STXBP4: variants seen among roughly 807,000 people sequenced by gnomAD.
STXBP4 encodes syntaxin-binding protein 4.
In STXBP4, 55 loss-of-function variants were observed where a neutral mutation model predicts 76.1. The observed-to-expected ratio is 0.72, with a 90% CI of 0.58 to 0.91. STXBP4 has a LOEUF of 0.91. STXBP4 is among the 40% of genes least tolerant of loss of function. The pLI, the probability that STXBP4 is intolerant of heterozygous loss-of-function variation, is 0.00. For synonymous variants in STXBP4, 201 were observed against 220.2 expected, an observed-to-expected ratio of 0.91 and a Z score of 0.77; for missense variants, 618 against 636.9, an observed-to-expected ratio of 0.97 and a Z score of 0.32.
At chr17:55,048,810 G>A (rs1329204824) in intron 12 of STXBP4, among the ~76,000 whole-genome samples, 1 of 151,712 alleles carries the variant, frequency 6.6e-6, no homozygotes, top group African/African-American at 2.4e-5. Flanking sequence ...AAGTAAAAGA[G>A]TTTCTTAAAG....
At chr17:55,044,302 A>G (rs1462140597) in intron 11 of STXBP4, 1 of 151,954 alleles carries the variant, frequency 6.6e-6, no homozygotes, top group African/African-American at 2.4e-5. Context: ...TCATAGGCAC[A>G]TATTTTTAAA....
intron 10 of STXBP4, among the ~76,000 whole-genome samples, chr17:55,042,351 C>G (rs1482324114): frequency 6.6e-6 from 1 of 152,040 alleles, no homozygotes; most frequent in Non-Finnish European, 1.5e-5. Context: ...TGAATATATA[C>G]AGTCTTTAGC....
chr17:54,996,001 A>G (rs1209460150), intron 4 of STXBP4, among the ~76,000 whole-genome samples: 1 of 152,026 alleles, frequency 6.6e-6, no homozygotes, highest in Non-Finnish European at 1.5e-5. Context: ...CATTGCCCCT[A>G]GACTGGGAGT....
chr17:55,157,186 G>A (rs2080287825), intron 17 of STXBP4, among the ~76,000 whole-genome samples: 1 of 152,122 alleles, frequency 6.6e-6, no homozygotes, highest in Non-Finnish European at 1.5e-5. Flanking sequence ...TTTCTTCTTT[G>A]GACTAATATG....
intron 1 of STXBP4, among the ~76,000 whole-genome samples, chr17:54,976,087 C>T (rs1180505979): frequency 6.6e-6 from 1 of 152,074 alleles, no homozygotes; most frequent in East Asian, 1.9e-4. Flanking sequence ...ATATCACATG[C>T]CCTTAGTGTT....
At chr17:55,096,737 A>G (rs183251472) in intron 16 of STXBP4, among the ~76,000 whole-genome samples, 1 of 152,128 alleles carries the variant, frequency 6.6e-6, no homozygotes, top group Non-Finnish European at 1.5e-5. Flanking sequence ...CTTTGGGACT[A>G]TTTGCGTAAC....
rs117060898 is a variant in STXBP4 at position 55,079,449 on chromosome 17, G to A, written c.1355+714G>A. On this transcript the variant is annotated intron_variant, in intron 15 of 17. Coordinates refer to ENST00000376352, the MANE Select transcript of STXBP4 (RefSeq NM_178509.6). ...ACATCTTCTACTTCTAGCAATATAC[G>A]CTTGCAGAAACAGGAAGACTCAATG... 2.9e-3 allele frequency among the ~76,000 whole-genome samples: 436 copies of A among 151,984 alleles called. 9 individuals carry two copies. The highest frequency in any genetic ancestry group is 0.025 in the East Asian group (131 of 5,166).
rs2080384705 is a variant in STXBP4, at chr17:55,167,884, A to G, written c.*7973A>G. On this transcript the variant is annotated 3_prime_UTR_variant, in exon 18 of 18. Transcript: ENST00000376352. ...AGAAGAGACAACAGGAAGACAAAAC[A>G]AATTGAGTAGATAATAAAGTTACCT... The G allele has an allele frequency of 6.6e-6, 1 of 152,210 alleles. No individual in the cohort carries two copies. The highest frequency in any genetic ancestry group is 6.5e-5 in the Admixed American group (1 of 15,280). 9.4% of individuals were successfully genotyped at this position (152,210 alleles called of 1,614,324 possible). A position where few individuals can be genotyped will look rare whatever the true frequency, so the allele number is the denominator to read the frequency against.
chr17:55,072,464 G>A lies in STXBP4; in HGVS notation c.1012-436G>A, dbSNP rs141510294. The stretch of plus-strand genomic sequence containing the variant: ...AGATAACTTTAGCCCCTGGAGCTTG[G>A]TCCATGGAGAAGCCCCATAACACTA... On this transcript the variant is annotated intron_variant, in intron 12 of 17. Coordinates refer to ENST00000376352, the MANE Select transcript of STXBP4 (RefSeq NM_178509.6). 4.4e-4 allele frequency among the ~76,000 whole-genome samples: 67 copies of A among 152,244 alleles called. No individual in the cohort carries two copies. The East Asian group carries it at 0.011, about 25-fold the overall frequency.
At chr17:55,066,238 G>GT (rs1555575160) in intron 12 of STXBP4, among the ~76,000 whole-genome samples, 1 of 145,568 alleles carries the variant, frequency 6.9e-6, no homozygotes, top group African/African-American at 2.5e-5. Flanking sequence ...GTTTTGTTTT[G>GT]TTTGAGACAG....
chr17:55,159,516 T>G (rs993740119), intron 17 of STXBP4, among the ~76,000 whole-genome samples: 3 of 152,202 alleles, frequency 2.0e-5, no homozygotes, highest in Admixed American at 1.3e-4. Flanking sequence ...AAGGCAGTCA[T>G]TGGACTTGCT....
At chr17:55,055,068 T>G (rs1317556530) in intron 12 of STXBP4, among the ~76,000 whole-genome samples, 1 of 152,224 alleles carries the variant, frequency 6.6e-6, no homozygotes, top group Non-Finnish European at 1.5e-5. Context: ...CTTACAATTT[T>G]TTCATAGGAC....
chr17:55,078,243 A>G, intron 14 of STXBP4, 49 bp downstream of exon 14: 1 of 1,166,670 alleles, frequency 8.6e-7, no homozygotes, highest in Non-Finnish European at 1.3e-6. Context: ...TATATAGGCA[A>G]CTGGCATATA....
chr17:55,206,341 T>C, the STXBP4 span, among the ~76,000 whole-genome samples: 1 of 152,170 alleles, frequency 6.6e-6, no homozygotes, highest in African/African-American at 2.4e-5. Context: ...ATCCCAAAGC[T>C]TCTTTTCTGA....
the STXBP4 span, among the ~76,000 whole-genome samples, chr17:55,180,490 C>T: frequency 6.6e-6 from 1 of 152,142 alleles, no homozygotes; most frequent in Non-Finnish European, 1.5e-5. Flanking sequence ...GTTCTTTTTA[C>T]TTGCTTTATG....
chr17:55,139,646 T>C (rs904419629), intron 16 of STXBP4, among the ~76,000 whole-genome samples: 3 of 152,124 alleles, frequency 2.0e-5, no homozygotes, highest in Non-Finnish European at 4.4e-5. Flanking sequence ...CGCATCTGGC[T>C]GAGCATGTGC....
chr17:55,141,652 G>GTA (rs145487462), intron 17 of STXBP4, among the ~76,000 whole-genome samples: 3,047 of 152,244 alleles, frequency 0.02, 81 homozygotes, highest in East Asian at 0.15. Flanking sequence ...CTGGCTAATA[G>GTA]TATTAGTGTT....
At chr17:55,068,065 A>T (rs1383158390) in intron 12 of STXBP4, among the ~76,000 whole-genome samples, 3 of 152,160 alleles carry the variant, frequency 2.0e-5, no homozygotes, top group Non-Finnish European at 4.4e-5. Context: ...ATTGAAAGGT[A>T]TATTATATAT....
the STXBP4 span, among the ~76,000 whole-genome samples, chr17:55,187,378 C>T: frequency 2.0e-5 from 3 of 152,080 alleles, no homozygotes; most frequent in Non-Finnish European, 2.9e-5. Context: ...TAAACTGCAC[C>T]CCTCCCTTGT....
Sources: allele counts gnomAD v4.1 joint callset (sites outside exome capture counted in the v4.1 genomes callset), GRCh38; gene constraint gnomAD v4.1.1; transcripts MANE v1.5; gene names NCBI Gene and HGNC (gene_info 2026-07-23, HGNC 2026-07-21).